Variants in GAB2 observed in about 807,000 individuals in gnomAD.
The protein encoded by GAB2 is GRB2 associated binding protein 2.
GAB2 carries 26 observed loss-of-function variants against 65.5 expected under a neutral mutation model. The observed-to-expected ratio is 0.40, with a 90% confidence interval of 0.29 to 0.55. GAB2 has a LOEUF of 0.55. Among genes scored for constraint, GAB2 ranks in the 20% least tolerant of loss-of-function variants. The probability of loss-of-function intolerance (pLI) is 0.53; values close to 1 mark genes in which losing one functional copy is unlikely to be tolerated. For missense variants in GAB2, 884 were observed against 875.8 expected (o/e 1.01, Z -0.12); for synonymous variants, 321 against 329.6 (o/e 0.97, Z 0.28).
chr11:78,276,585 C>T, intron 2 of GAB2, among the ~76,000 whole-genome samples: 1 of 152,090 alleles, frequency 6.6e-6, no homozygotes, highest in Non-Finnish European at 1.5e-5. Context: ...TCTGAGTACT[C>T]AGACTCTACT....
At chr11:78,291,082 T>TG (rs35409290) in intron 1 of GAB2, among the ~76,000 whole-genome samples, 38,863 of 151,688 alleles carry the variant, frequency 0.26, 5,814 homozygotes, top group East Asian at 0.4. Context: ...AAAGAAGTGG[T>TG]GGCAGGATTT....
chr11:78,363,708 C>T (rs1856463024), intron 1 of GAB2, among the ~76,000 whole-genome samples: 1 of 151,906 alleles, frequency 6.6e-6, no homozygotes, highest in Admixed American at 6.6e-5. Flanking sequence ...CTTCAGCCTC[C>T]CAAGTAGTTG....
chr11:78,308,095 G>A (rs924098366), intron 1 of GAB2, among the ~76,000 whole-genome samples: 1 of 152,108 alleles, frequency 6.6e-6, no homozygotes. Context: ...TTCGGACATC[G>A]GAACTCCAGA....
At chr11:78,369,857 C>A (rs1856544026) in intron 1 of GAB2, among the ~76,000 whole-genome samples, 1 of 152,148 alleles carries the variant, frequency 6.6e-6, no homozygotes, top group Non-Finnish European at 1.5e-5. Flanking sequence ...AAGGTTATCA[C>A]CAGATGATGG....
intron 3 of GAB2, among the ~76,000 whole-genome samples, chr11:78,243,696 T>C (rs1865210847): frequency 6.6e-6 from 1 of 150,642 alleles, no homozygotes; most frequent in African/African-American, 2.4e-5. Flanking sequence ...AAAAAAAAAT[T>C]AGCTGGGCAC....
At chr11:78,274,042 A>G (rs957301722) in intron 2 of GAB2, among the ~76,000 whole-genome samples, 1 of 151,540 alleles carries the variant, frequency 6.6e-6, no homozygotes, top group African/African-American at 2.4e-5. Context: ...GCCCAGTCTC[A>G]GGTATGTTTT....
At chr11:78,252,016 TAGGC>T (rs1222701336) in intron 2 of GAB2, among the ~76,000 whole-genome samples, 1 of 152,282 alleles carries the variant, frequency 6.6e-6, no homozygotes, top group Non-Finnish European at 1.5e-5. Context: ...GATGTAATCT[TAGGC>T]AGTATGATAG....
intron 1 of GAB2, among the ~76,000 whole-genome samples, chr11:78,313,908 C>T (rs1196652156): frequency 1.3e-5 from 2 of 152,092 alleles, no homozygotes; most frequent in Non-Finnish European, 2.9e-5. Flanking sequence ...CTTAAATCCA[C>T]CTACCAAAAA....
At chr11:78,301,439 C>T (rs1437071259) in intron 1 of GAB2, among the ~76,000 whole-genome samples, 4 of 150,814 alleles carry the variant, frequency 2.7e-5, no homozygotes, top group Non-Finnish European at 5.9e-5. Context: ...AAGCGATTCT[C>T]CCACTTCAGC....
chr11:78,329,612 G>A (rs1855881816), intron 1 of GAB2, among the ~76,000 whole-genome samples: 1 of 152,060 alleles, frequency 6.6e-6, no homozygotes, highest in Non-Finnish European at 1.5e-5. Flanking sequence ...AGTACAAGGC[G>A]AGCTGGCTGC....
intron 1 of GAB2, among the ~76,000 whole-genome samples, chr11:78,342,958 T>A (rs1221737538): frequency 1.3e-5 from 2 of 152,116 alleles, no homozygotes; most frequent in Non-Finnish European, 2.9e-5. Context: ...CCCAGAAAAG[T>A]TTAGTGATTC....
Position 78,323,790 on chromosome 11 carries a change from C to CTTTTT in GAB2, c.76-42894_76-42890dup, listed in dbSNP as rs749282969. 7.8e-3 allele frequency among the ~76,000 whole-genome samples: 603 copies of CTTTTT among 77,234 alleles called. 29 individuals are homozygous for CTTTTT. The highest frequency in any genetic ancestry group is 0.013 in the African/African-American group (269 of 20,066). 50.7% of individuals were successfully genotyped at this position (77,234 alleles called of 152,430 possible). A position where few individuals can be genotyped will look rare whatever the true frequency, so the allele number is the denominator to read the frequency against. ...CTACACGTGTACCCCCTGAATCTTT[C>CTTTTT]TTTTTTTTTTTTTTTTTTTTTTTTT... is the stretch of plus-strand genomic sequence containing the variant. On this transcript the variant is annotated intron_variant, in intron 1 of 9. Transcript: ENST00000361507.
At position 78,217,430 on chromosome 11, in the gene GAB2, G is replaced by A. The variant is rs975219417; in HGVS notation, c.*1842C>T. The A allele has an allele frequency of 6.6e-6, 1 of 152,326 alleles. No homozygotes were observed. Among genetic ancestry groups the A allele is most frequent in the African/African-American group, 2.4e-5 (1 of 41,456 alleles). The allele number at this position is 152,326 out of a possible 1,614,324, so 9.4% of individuals were successfully genotyped here. ...ATAACTTCTTCCAGGATGGGACTTA[G>A]AGAATGGCTAGGCCATTGGTCTGGT... On this transcript the variant is annotated 3_prime_UTR_variant, in exon 10 of 10. Transcript: ENST00000361507.
intron 6 of GAB2, among the ~76,000 whole-genome samples, 192 bp downstream of exon 6, chr11:78,223,220 C>T (rs1251391369): frequency 2.0e-5 from 3 of 152,156 alleles, no homozygotes; most frequent in African/African-American, 7.2e-5. Flanking sequence ...ATCCTAGATG[C>T]TCTCCTTTGC....
At chr11:78,262,965 ATAC>A (rs2134548630) in intron 2 of GAB2, among the ~76,000 whole-genome samples, 1 of 152,326 alleles carries the variant, frequency 6.6e-6, no homozygotes, top group East Asian at 1.9e-4. Flanking sequence ...GGCTGCATAT[ATAC>A]TACAACAGCA....
chr11:78,250,520 C>T, intron 2 of GAB2, 120 bp from the exon 3 acceptor site: 1 of 871,364 alleles, frequency 1.1e-6, no homozygotes, highest in Non-Finnish European at 1.8e-6. Flanking sequence ...CACTAGCATT[C>T]TCTCCCTCTC....
At chr11:78,282,039 T>C (rs948225826) in intron 1 of GAB2, among the ~76,000 whole-genome samples, 1 of 152,244 alleles carries the variant, frequency 6.6e-6, no homozygotes, top group Non-Finnish European at 1.5e-5. Context: ...CTCAGGATTA[T>C]ATTTCCTGTC....
In GAB2 at chr11:78,237,706, A is replaced by G. The variant is rs7938878; in HGVS notation, c.621-10655T>C. 7.8e-3 allele frequency among the ~76,000 whole-genome samples: 1,189 copies of G among 152,330 alleles called. 14 individuals carry two copies. Among genetic ancestry groups the G allele is most frequent in the African/African-American group, 0.027 (1,127 of 41,572 alleles). ...TGAGCAGAGAGAAAAGGATTGGAAA[A>G]AAAAGATAATGTAAGTGATTGTTGG... On this transcript the variant is annotated intron_variant, in intron 3 of 9. Coordinates refer to ENST00000361507, the MANE Select transcript of GAB2 (RefSeq NM_080491.3).
intron 2 of GAB2, among the ~76,000 whole-genome samples, chr11:78,255,938 T>C (rs927703700): frequency 6.6e-6 from 1 of 152,230 alleles, no homozygotes; most frequent in Non-Finnish European, 1.5e-5. Flanking sequence ...GCTCTGTCCC[T>C]AGATCTGCCT....
Sources: gnomAD v4.1 joint callset for allele counts (sites outside exome capture counted in the v4.1 genomes callset) on GRCh38, gnomAD v4.1.1 for gene constraint, MANE v1.5 for transcripts, NCBI Gene and HGNC (gene_info 2026-07-23, HGNC 2026-07-21) for gene names.